ZNF521: variants seen among roughly 807,000 people sequenced by gnomAD.
ZNF521 encodes the protein LYST-interacting protein 3.
A neutral mutation model predicts 105.5 loss-of-function variants in ZNF521; 14 were observed. That is an observed-to-expected ratio of 0.13 (90% CI 0.09 to 0.21). The LOEUF (loss-of-function observed/expected upper bound fraction) is 0.21, where lower values mean the gene tolerates loss of function less well. Ranked by LOEUF, ZNF521 falls within the 10% of genes least tolerant of loss-of-function variation. The pLI, the probability that ZNF521 is intolerant of heterozygous loss-of-function variation, is 1.00. For missense variants in ZNF521, 1,233 were observed against 1,629.7 expected (o/e 0.76, Z 4.19); for synonymous variants, 635 against 606.0 (o/e 1.05, Z -0.70).
At chr18:25,120,901 G>A (rs1372266414) in intron 5 of ZNF521, among the ~76,000 whole-genome samples, 3 of 151,840 alleles carry the variant, frequency 2.0e-5, no homozygotes, top group Non-Finnish European at 4.4e-5. Context: ...ACTGGCAGTG[G>A]GGGCAACACA....
chr18:25,258,639 C>T (rs528346285), intron 3 of ZNF521, among the ~76,000 whole-genome samples: 3 of 152,220 alleles, frequency 2.0e-5, no homozygotes, highest in Middle Eastern at 3.4e-3. Context: ...AAGCCCATGC[C>T]GGTGAGAGAT....
intron 7 of ZNF521, among the ~76,000 whole-genome samples, chr18:25,063,595 T>C (rs1444430192): frequency 6.6e-6 from 1 of 152,124 alleles, no homozygotes; most frequent in Non-Finnish European, 1.5e-5. Flanking sequence ...GGTGGGAAAG[T>C]TGAGCTGAAC....
At chr18:25,100,092 C>CT (rs1340389796) in intron 5 of ZNF521, among the ~76,000 whole-genome samples, 246 of 139,862 alleles carry the variant, frequency 1.8e-3, no homozygotes, top group Middle Eastern at 3.7e-3. Flanking sequence ...TTCTTTCTTT[C>CT]TTTTTTTTTT....
intron 3 of ZNF521, among the ~76,000 whole-genome samples, chr18:25,296,308 C>G (rs1220288643): frequency 2.0e-5 from 3 of 152,126 alleles, no homozygotes; most frequent in South Asian, 2.1e-4. Context: ...CCACTCTCTG[C>G]AAATATTTTT....
chr18:25,239,320 A>G (rs1458614391), intron 3 of ZNF521, among the ~76,000 whole-genome samples: 1 of 152,228 alleles, frequency 6.6e-6, no homozygotes, highest in African/African-American at 2.4e-5. Flanking sequence ...ATACAGTTCC[A>G]AGTACATAAA....
chr18:25,247,608 T>C (rs1907820490), intron 3 of ZNF521, among the ~76,000 whole-genome samples: 1 of 152,210 alleles, frequency 6.6e-6, no homozygotes, highest in African/African-American at 2.4e-5. Context: ...CAGGTTCAAG[T>C]GCCACTGGAC....
intron 3 of ZNF521, among the ~76,000 whole-genome samples, chr18:25,288,043 C>G (rs905252481): frequency 2.5e-4 from 38 of 152,196 alleles, no homozygotes; most frequent in African/African-American, 7.9e-4. Context: ...AAATGCCCCC[C>G]CAATAGTTTC....
chr18:25,108,832 C>T (rs1042654604), intron 5 of ZNF521, among the ~76,000 whole-genome samples: 26 of 152,072 alleles, frequency 1.7e-4, no homozygotes, highest in African/African-American at 6.3e-4. Flanking sequence ...GCCATAGTAG[C>T]CAGGATGGTC....
intron 5 of ZNF521, among the ~76,000 whole-genome samples, chr18:25,190,676 A>T (rs2035803100): frequency 6.6e-6 from 1 of 152,214 alleles, no homozygotes; most frequent in Non-Finnish European, 1.5e-5. Context: ...AAAGGAAAAG[A>T]ATGCCATTTG....
At chr18:25,346,694 G>A (rs909409382) in intron 2 of ZNF521, among the ~76,000 whole-genome samples, 11 of 152,214 alleles carry the variant, frequency 7.2e-5, no homozygotes, top group African/African-American at 2.7e-4. Flanking sequence ...TCACAAGTGT[G>A]ATAACTTCAA....
intron 3 of ZNF521, among the ~76,000 whole-genome samples, chr18:25,273,070 T>C (rs892952877): frequency 5.3e-5 from 8 of 150,486 alleles, no homozygotes. Flanking sequence ...CTACAAAAAA[T>C]AAAAAATTTA....
intron 5 of ZNF521, among the ~76,000 whole-genome samples, chr18:25,124,873 T>TGAGCTATATAAATCC (rs1251266786): frequency 5.3e-5 from 8 of 152,220 alleles, no homozygotes; most frequent in African/African-American, 1.9e-4. Flanking sequence ...GCAAATGTTT[T>TGAGCTATATAAATCC]GAGCTATATA....
At position 25,226,360 on chromosome 18, in the gene ZNF521, T is replaced by C. The variant is rs765194399; in HGVS notation, c.1558A>G (p.Met520Val). Reference sequence around the variant, plus strand: ...AGGGAAGAGTCAGTGAGAAACCCCATATAGCAATGGGGACAAAAGAATGCA... The same window carrying C: ...AGGGAAGAGTCAGTGAGAAACCCCACATAGCAATGGGGACAAAAGAATGCA... ...SNAFFCPHCY[M>V]GFLTDSSLEE... is the part of the protein sequence containing the mutation. Residue 520 changes from methionine (M) to valine (V), a missense_variant, in exon 4 of 8, where the codon ATG (methionine) becomes GTG (valine). This residue lies in a region of ZNF521 where 380 missense variants were observed against 478.0 expected (regional missense o/e 0.80). Coordinates refer to ENST00000361524, the MANE Select transcript of ZNF521 (RefSeq NM_015461.3). The surrounding 1 kb of genome is among the most constrained non-coding windows in gnomAD (Gnocchi z 4.1). 7 of 1,614,156 alleles carry C rather than the reference T, an allele frequency of 4.3e-6. No homozygotes were observed. The highest frequency in any genetic ancestry group is 1.7e-5 in the Admixed American group (1 of 60,020).
At chr18:25,241,607 C>T (rs986730442) in intron 3 of ZNF521, among the ~76,000 whole-genome samples, 1 of 152,006 alleles carries the variant, frequency 6.6e-6, no homozygotes, top group Non-Finnish European at 1.5e-5. Context: ...AGAAACCAAA[C>T]CATAAAACTC....
At chr18:25,267,954 C>T (rs897400500) in intron 3 of ZNF521, among the ~76,000 whole-genome samples, 1 of 152,164 alleles carries the variant, frequency 6.6e-6, no homozygotes, top group Non-Finnish European at 1.5e-5. Context: ...CAGAAGTAGG[C>T]TTCAGAAGGT....
chr18:25,324,077 C>T (rs1398848038), intron 2 of ZNF521, among the ~76,000 whole-genome samples: 3 of 152,116 alleles, frequency 2.0e-5, no homozygotes, highest in South Asian at 2.1e-4. Flanking sequence ...GTGCCCATTT[C>T]GGTATACCAG....
chr18:25,259,972 G>C (rs1324227876), intron 3 of ZNF521, among the ~76,000 whole-genome samples: 2 of 152,224 alleles, frequency 1.3e-5, no homozygotes, highest in African/African-American at 2.4e-5. Flanking sequence ...GGGGCTACCA[G>C]AGCAAACAAG....
chr18:25,110,339 G>T (rs962047190), intron 5 of ZNF521, among the ~76,000 whole-genome samples: 9 of 152,174 alleles, frequency 5.9e-5, no homozygotes, highest in African/African-American at 1.9e-4. Flanking sequence ...CTTGGGTCCT[G>T]CCTGCCCCCT....
At chr18:25,165,979 C>A (rs957951298) in intron 5 of ZNF521, among the ~76,000 whole-genome samples, 1 of 152,172 alleles carries the variant, frequency 6.6e-6, no homozygotes, top group Non-Finnish European at 1.5e-5. Context: ...TGGCTTAAAT[C>A]ATCAGTTACA....
Sources: allele counts gnomAD v4.1 joint callset (sites outside exome capture counted in the v4.1 genomes callset), GRCh38; gene constraint gnomAD v4.1.1; regional missense constraint gnomAD v4.1.1; non-coding constraint Gnocchi (gnomAD v3.1); transcripts MANE v1.5; gene names NCBI Gene and HGNC (gene_info 2026-07-23, HGNC 2026-07-21).